Variants in KCNN2 observed in about 807,000 individuals in gnomAD.
KCNN2 encodes the protein small conductance calcium-activated potassium channel protein 2.
Under a neutral mutation model 55.5 loss-of-function variants are expected in KCNN2, and 24 were observed. That is an observed-to-expected ratio of 0.43 (90% CI 0.31 to 0.61). The LOEUF is 0.61. Ranked by LOEUF, KCNN2 falls within the 20% of genes least tolerant of loss-of-function variation. KCNN2 has a pLI of 0.08. For synonymous variants in KCNN2, 431 were observed against 336.1 expected, an observed-to-expected ratio of 1.28 and a Z score of -3.09; for missense variants, 754 against 853.6, an observed-to-expected ratio of 0.88 and a Z score of 1.45.
At chr5:114,491,120 C>T (rs1363632466) in intron 6 of KCNN2, among the ~76,000 whole-genome samples, 1 of 152,100 alleles carries the variant, frequency 6.6e-6, no homozygotes, top group Non-Finnish European at 1.5e-5. Context: ...TACTGTCAGA[C>T]ATAGTATAGT....
At position 114,278,415 on chromosome 5, in the gene KCNN2, G is replaced by T. The variant is rs1404229041; in HGVS notation, c.-185+56850G>T. Among the ~76,000 whole-genome samples, 6 of 152,230 alleles carry T rather than the reference G, an allele frequency of 3.9e-5. No homozygotes were observed. The East Asian group carries it at 1.2e-3, about 29-fold the overall frequency. On this transcript the variant is annotated intron_variant, in intron 2 of 10. Coordinates refer to the KCNN2 transcript ENST00000512097. ...GGCAGGGACATTTAAGTCTGGAGAA[G>T]CTGTCTGCTGTCTTTTGTTCAGATA... is the stretch of plus-strand genomic sequence containing the variant.
At chr5:114,181,271 T>C (rs1580595554) in intron 1 of KCNN2, among the ~76,000 whole-genome samples, 2 of 152,352 alleles carry the variant, frequency 1.3e-5, no homozygotes, top group African/African-American at 2.4e-5. Flanking sequence ...GTGTTTGTTC[T>C]CGTGAGTCTT....
intron 1 of KCNN2, among the ~76,000 whole-genome samples, chr5:114,154,559 C>T (rs1284114944): frequency 1.3e-5 from 2 of 152,082 alleles, no homozygotes; most frequent in African/African-American, 4.8e-5. Context: ...TGTAAATACC[C>T]TTTTACTTAT....
At chr5:114,291,696 G>T (rs1397488575) in intron 2 of KCNN2, among the ~76,000 whole-genome samples, 1 of 152,128 alleles carries the variant, frequency 6.6e-6, no homozygotes, top group African/African-American at 2.4e-5. Context: ...AATCCTTTGG[G>T]TATATACCCA....
At chr5:114,275,538 C>T (rs967106115) in intron 2 of KCNN2, among the ~76,000 whole-genome samples, 2 of 152,062 alleles carry the variant, frequency 1.3e-5, no homozygotes, top group African/African-American at 4.8e-5. Flanking sequence ...TTCAGAGATT[C>T]AACTTCTTCC....
chr5:114,147,100 G>A (rs1037940331), intron 1 of KCNN2, among the ~76,000 whole-genome samples: 1 of 152,146 alleles, frequency 6.6e-6, no homozygotes, highest in African/African-American at 2.4e-5. Flanking sequence ...GAAGTGTATG[G>A]AGTAGAAATG....
chr5:114,188,365 G>A (rs1316249892), intron 1 of KCNN2, among the ~76,000 whole-genome samples: 1 of 152,066 alleles, frequency 6.6e-6, no homozygotes, highest in Non-Finnish European at 1.5e-5. Flanking sequence ...ATAGTTCCAA[G>A]GGCAGTGAAG....
intron 5 of KCNN2, among the ~76,000 whole-genome samples, chr5:114,482,548 A>G (rs1300560208): frequency 6.6e-6 from 1 of 152,204 alleles, no homozygotes; most frequent in Non-Finnish European, 1.5e-5. Flanking sequence ...AGGAATATAA[A>G]TCATTCTATT....
At chr5:114,307,901 T>C (rs1313659966) in intron 2 of KCNN2, among the ~76,000 whole-genome samples, 1 of 152,016 alleles carries the variant, frequency 6.6e-6, no homozygotes, top group Admixed American at 6.6e-5. Flanking sequence ...TAATTCCTCC[T>C]TATACTTCCT....
chr5:114,404,187 C>T (rs977092021), intron 2 of KCNN2, among the ~76,000 whole-genome samples: 12 of 152,136 alleles, frequency 7.9e-5, no homozygotes, highest in African/African-American at 2.4e-4. Flanking sequence ...ATGATGTTTA[C>T]GTGATTGTCC....
At chr5:114,253,157 C>A (rs2150000904) in intron 2 of KCNN2, among the ~76,000 whole-genome samples, 1 of 129,842 alleles carries the variant, frequency 7.7e-6, no homozygotes, top group East Asian at 2.2e-4. Flanking sequence ...CTGCCCTGAG[C>A]AAAACCTGGT....
chr5:114,379,769 A>G (rs1236749950), intron 2 of KCNN2, among the ~76,000 whole-genome samples: 5 of 125,418 alleles, frequency 4.0e-5, no homozygotes, highest in Non-Finnish European at 7.7e-5. Context: ...TTTATAGAAT[A>G]TATTATATAA....
At chr5:114,297,868 C>T (rs910132216) in intron 2 of KCNN2, among the ~76,000 whole-genome samples, 6 of 152,040 alleles carry the variant, frequency 3.9e-5, no homozygotes, top group African/African-American at 7.2e-5. Flanking sequence ...GTGGTAAAAG[C>T]GTAAGTTTCT....
At chr5:114,230,350 G>A (rs1324172891) in intron 2 of KCNN2, among the ~76,000 whole-genome samples, 3 of 134,186 alleles carry the variant, frequency 2.2e-5, no homozygotes, top group African/African-American at 5.6e-5. Flanking sequence ...AGTTACATAT[G>A]TATACATGTG....
chr5:114,291,130 AAT>A (rs1407632339), intron 2 of KCNN2, among the ~76,000 whole-genome samples: 1 of 152,068 alleles, frequency 6.6e-6, no homozygotes, highest in Non-Finnish European at 1.5e-5. Flanking sequence ...ATCTATATGA[AAT>A]ATAGTTATTA....
At chr5:114,250,208 A>G (rs1223487182) in intron 2 of KCNN2, among the ~76,000 whole-genome samples, 1 of 152,222 alleles carries the variant, frequency 6.6e-6, no homozygotes, top group Non-Finnish European at 1.5e-5. Context: ...CTTTTAAAAA[A>G]AGGAATGTTA....
At chr5:114,409,123 T>A (rs1759038970) in intron 3 of KCNN2, among the ~76,000 whole-genome samples, 1 of 152,204 alleles carries the variant, frequency 6.6e-6, no homozygotes, top group Non-Finnish European at 1.5e-5. Context: ...ACATCTCATG[T>A]CTTTTTGCCT....
At chr5:114,290,473 A>G (rs1461608805) in intron 2 of KCNN2, among the ~76,000 whole-genome samples, 3 of 151,788 alleles carry the variant, frequency 2.0e-5, no homozygotes, top group Non-Finnish European at 4.4e-5. Flanking sequence ...AGTTATTTGC[A>G]TCTTCCCTCT....
chr5:114,404,592 C>A lies in KCNN2; in HGVS notation c.1373C>A (p.Ala458Asp). 6.2e-7 allele frequency: 1 copy of A among 1,613,802 alleles called. No individual in the cohort carries two copies. The change falls in exon 3 of 8, where the codon GCC (alanine) becomes GAC (aspartate). Residue 458 changes from alanine to aspartate, a missense_variant. Transcript: ENST00000673685. ...ACGGCCCGGCTTGCCTTCTCCTATG[C>A]CCCATCCACAACCACCGCTGATGTG... ...TWTARLAFSY[A>D]PSTTTADVDI...
Sources: allele counts gnomAD v4.1 joint callset (sites outside exome capture counted in the v4.1 genomes callset), GRCh38; gene constraint gnomAD v4.1.1; transcripts MANE v1.5; gene names NCBI Gene and HGNC (gene_info 2026-07-23, HGNC 2026-07-21).